The following CUX2 variants were observed in gnomAD, a reference collection of about 807,000 sequenced individuals.
The protein encoded by CUX2 is cut like homeobox 2, also known as homeobox protein cut-like 2.
In CUX2, 40 loss-of-function variants were observed where a neutral mutation model predicts 144.8. The ratio of observed to expected loss-of-function variants is 0.28; its 90% CI spans 0.21 to 0.36. The LOEUF is 0.36. CUX2 is among the 10% of genes least tolerant of loss of function. The pLI, the probability that CUX2 is intolerant of heterozygous loss-of-function variation, is 1.00. For synonymous variants in CUX2, 827 were observed against 875.6 expected (o/e 0.94, Z 0.98); for missense variants, 1,615 against 1,994.0 (o/e 0.81, Z 3.62).
Position 111,061,403 on chromosome 12 carries a change from G to A in CUX2, c.63+27163G>A, listed in dbSNP as rs1051186338. On this transcript the variant is annotated intron_variant, in intron 1 of 21. Transcript: ENST00000261726. The surrounding 1 kb of genome is among the most constrained non-coding windows in gnomAD (Gnocchi z 4.2). ...GGAGGGAAGCATGGGCTGTAGAAGG[G>A]TTTTCGGGGAATCCCACGACTGCAA... 2.0e-5 allele frequency among the ~76,000 whole-genome samples: 3 copies of A among 152,168 alleles called. No individual in the cohort carries two copies. Among genetic ancestry groups the A allele is most frequent in the African/African-American group, 7.2e-5 (3 of 41,442 alleles).
chr12:111,285,476 C>G (rs1312439245), intron 4 of CUX2, among the ~76,000 whole-genome samples: 1 of 152,194 alleles, frequency 6.6e-6, no homozygotes, highest in Admixed American at 6.5e-5. Flanking sequence ...TGAACCACCC[C>G]ACCTGCTCCC....
intron 1 of CUX2, among the ~76,000 whole-genome samples, chr12:111,092,032 A>G (rs1168252562): frequency 1.3e-5 from 2 of 152,218 alleles, no homozygotes; most frequent in African/African-American, 2.4e-5. Flanking sequence ...GCTCTAACAG[A>G]TTTAAGTTTC....
chr12:111,334,124 T>G (rs1407650090), intron 18 of CUX2, among the ~76,000 whole-genome samples: 6 of 150,194 alleles, frequency 4.0e-5, no homozygotes, highest in Admixed American at 1.3e-4. Flanking sequence ...GAGGCGGAGG[T>G]TGCAGTGAGC....
chr12:111,146,691 C>T (rs1389261533), intron 1 of CUX2, among the ~76,000 whole-genome samples: 4 of 152,148 alleles, frequency 2.6e-5, no homozygotes, highest in African/African-American at 7.2e-5. Context: ...TAAATTCCAG[C>T]GTGGTCTAGC....
rs57009074 is a variant in CUX2, at chr12:111,336,424, TTGTG to T, written c.3196+1746_3196+1749del. Among the ~76,000 whole-genome samples the T allele has an allele frequency of 7.8e-3, 1,144 of 146,096 alleles. 6 individuals carry two copies. The highest frequency in any genetic ancestry group is 7.2e-3 in the Admixed American group (105 of 14,614). On this transcript the variant is annotated intron_variant, in intron 19 of 21. Transcript: ENST00000261726. ...CATTGGCCTCTCAGACACTTCAGTG[TTGTG>T]TGTGTGTGTGTGTGTGTGTGTGTGT... is the stretch of plus-strand genomic sequence containing the variant.
Position 111,059,106 on chromosome 12 carries a change from T to A in CUX2, c.63+24866T>A, listed in dbSNP as rs1035966651. ...GTAAACATCTAGAGGCTCGGAATGC[T>A]GAACTTTCTGAGGATGCAGCCCAGC... On this transcript the variant is annotated intron_variant, in intron 1 of 21. Transcript: ENST00000261726. This position sits in a 1 kb window ranked among gnomAD's most constrained non-coding sequence, Gnocchi z 5.3. Among the ~76,000 whole-genome samples the A allele has an allele frequency of 6.6e-6, 1 of 152,242 alleles. No homozygotes were observed. The highest frequency in any genetic ancestry group is 6.5e-5 in the Admixed American group (1 of 15,288).
intron 4 of CUX2, among the ~76,000 whole-genome samples, chr12:111,264,580 A>G (rs2136292474): frequency 6.6e-6 from 1 of 152,226 alleles, no homozygotes; most frequent in African/African-American, 2.4e-5. Context: ...TCCCATCTCT[A>G]CTAAAAATAC....
chr12:111,199,326 G>C (rs1453125346), intron 1 of CUX2, among the ~76,000 whole-genome samples: 3 of 152,186 alleles, frequency 2.0e-5, no homozygotes, highest in Non-Finnish European at 4.4e-5. Flanking sequence ...GCTGGAATCT[G>C]CATTCTGTAC....
intron 1 of CUX2, among the ~76,000 whole-genome samples, chr12:111,038,176 A>T (rs1231223442): frequency 6.6e-6 from 1 of 152,264 alleles, no homozygotes; most frequent in Admixed American, 6.5e-5. Context: ...AAAATATTAT[A>T]ACCTTATGAT....
Position 111,286,787 on chromosome 12 carries a change from T to G in CUX2, c.302-4631T>G, listed in dbSNP as rs1885408655. Among the ~76,000 whole-genome samples, 5 of 152,110 alleles carry G rather than the reference T, an allele frequency of 3.3e-5. No individual in the cohort carries two copies. In the South Asian group the frequency reaches 1.0e-3, roughly 32 times the overall value. On this transcript the variant is annotated intron_variant, in intron 4 of 21. Transcript: ENST00000261726. Reference sequence around the variant, plus strand: ...GGGAGGCTAAGGCAGGAGAATCGCTTGAACCCAGGAGGCAGAGGTTGCAGT... The same window carrying G: ...GGGAGGCTAAGGCAGGAGAATCGCTGGAACCCAGGAGGCAGAGGTTGCAGT...
At chr12:111,219,272 T>A (rs1881714601) in intron 3 of CUX2, among the ~76,000 whole-genome samples, 1 of 152,060 alleles carries the variant, frequency 6.6e-6, no homozygotes, top group Non-Finnish European at 1.5e-5. Context: ...TATAGGGCCA[T>A]CCAGTATTGG....
intron 1 of CUX2, among the ~76,000 whole-genome samples, chr12:111,165,738 G>A (rs189608718): frequency 3.3e-5 from 5 of 152,266 alleles, no homozygotes; most frequent in Admixed American, 6.5e-5. Flanking sequence ...CCAGCTCCAC[G>A]TGTAGTGACA....
intron 1 of CUX2, among the ~76,000 whole-genome samples, chr12:111,065,632 A>G (rs1174247422): frequency 6.6e-6 from 1 of 152,234 alleles, no homozygotes; most frequent in African/African-American, 2.4e-5. Context: ...CACCGCACCC[A>G]GCCACCCCTG....
intron 1 of CUX2, among the ~76,000 whole-genome samples, chr12:111,098,852 T>C (rs1403465967): frequency 6.6e-6 from 1 of 152,202 alleles, no homozygotes; most frequent in Non-Finnish European, 1.5e-5. Context: ...ATTCATGCAC[T>C]TAGCAGCCGC....
intron 1 of CUX2, among the ~76,000 whole-genome samples, chr12:111,211,068 T>C (rs1417398520): frequency 6.6e-6 from 1 of 152,178 alleles, no homozygotes; most frequent in Non-Finnish European, 1.5e-5. Context: ...AGATGATGTA[T>C]GTTAGGAGCT....
chr12:111,170,246 A>G (rs1183800745), intron 1 of CUX2, among the ~76,000 whole-genome samples: 2 of 152,032 alleles, frequency 1.3e-5, no homozygotes, highest in African/African-American at 2.4e-5. Context: ...CCTGACCAAT[A>G]TGGAGAAACC....
At position 111,162,229 on chromosome 12, in the gene CUX2, T is replaced by C. The variant is rs185807378; in HGVS notation, c.64-51971T>C. Among the ~76,000 whole-genome samples the C allele has an allele frequency of 2.5e-3, 382 of 152,328 alleles. 1 individual carries two copies. The highest frequency in any genetic ancestry group is 3.7e-3 in the Non-Finnish European group (249 of 68,014). ...AGAACTGCCCCTGGCCACCAGCCCCTGCCTTCCTCCACTGGAAGTGAAAGT... is the reference window on the plus strand; with the variant it reads ...AGAACTGCCCCTGGCCACCAGCCCCCGCCTTCCTCCACTGGAAGTGAAAGT... On this transcript the variant is annotated intron_variant, in intron 1 of 21. Transcript: ENST00000261726.
Position 111,258,766 on chromosome 12 carries a change from G to A in CUX2, c.223-4995G>A, listed in dbSNP as rs115829120. 9.5e-3 allele frequency among the ~76,000 whole-genome samples: 1,447 copies of A among 152,250 alleles called. 22 individuals are homozygous for A. Among genetic ancestry groups the A allele is most frequent in the African/African-American group, 0.033 (1,381 of 41,534 alleles). On this transcript the variant is annotated intron_variant, in intron 3 of 21. Transcript: ENST00000261726. ...AGTGGTGTGATCACAGCTCACTGCA[G>A]CCTCGAACTCCTGGGCTCAAGCGAG...
At chr12:111,045,101 C>T (rs542986488) in intron 1 of CUX2, among the ~76,000 whole-genome samples, 2 of 152,290 alleles carry the variant, frequency 1.3e-5, no homozygotes, top group East Asian at 1.9e-4. Context: ...TTAATGTCCT[C>T]GGACCCGGCT....
Sources: gnomAD v4.1 joint callset for allele counts (sites outside exome capture counted in the v4.1 genomes callset) on GRCh38, gnomAD v4.1.1 for gene constraint, Gnocchi (gnomAD v3.1) non-coding constraint, MANE v1.5 for transcripts, NCBI Gene and HGNC (gene_info 2026-07-23, HGNC 2026-07-21) for gene names.